The following ELOVL6 variants were observed in gnomAD, a reference collection of about 807,000 sequenced individuals.
ELOVL6 encodes the protein very long chain fatty acid elongase 6.
ELOVL6 carries 8 observed loss-of-function variants against 31.7 expected under a neutral mutation model. The ratio of observed to expected loss-of-function variants is 0.25; its 90% CI spans 0.15 to 0.45. The LOEUF (loss-of-function observed/expected upper bound fraction) is 0.45, where lower values mean the gene tolerates loss of function less well. ELOVL6 is among the 20% of genes least tolerant of loss of function. ELOVL6 has a pLI of 1.00. For missense variants in ELOVL6, 126 were observed against 326.4 expected, an observed-to-expected ratio of 0.39 and a Z score of 4.73; for synonymous variants, 101 against 117.7, an observed-to-expected ratio of 0.86 and a Z score of 0.92.
At chr4:110,189,763 T>C (rs1407845902) in intron 1 of ELOVL6, among the ~76,000 whole-genome samples, 1 of 151,726 alleles carries the variant, frequency 6.6e-6, no homozygotes, top group Non-Finnish European at 1.5e-5. Flanking sequence ...GGTCAGGAGA[T>C]CGAGACCATC....
At chr4:110,066,638 A>C (rs967235990) in intron 2 of ELOVL6, among the ~76,000 whole-genome samples, 9 of 57,548 alleles carry the variant, frequency 1.6e-4, no homozygotes, top group African/African-American at 3.4e-4. Flanking sequence ...CTGTCTCAAC[A>C]AAAAAAAAAA....
intron 1 of ELOVL6, among the ~76,000 whole-genome samples, chr4:110,113,637 C>T (rs1757098304): frequency 6.6e-6 from 1 of 152,102 alleles, no homozygotes; most frequent in African/African-American, 2.4e-5. Context: ...CTCCCATGCC[C>T]ATCTGAAAAC....
chr4:110,092,784 T>C (rs1756460813), intron 2 of ELOVL6, among the ~76,000 whole-genome samples: 1 of 151,312 alleles, frequency 6.6e-6, no homozygotes, highest in African/African-American at 2.4e-5. Context: ...ATTCAATTTT[T>C]AGTTCGAAAT....
chr4:110,141,116 T>A (rs1757941020), intron 1 of ELOVL6, among the ~76,000 whole-genome samples: 1 of 152,044 alleles, frequency 6.6e-6, no homozygotes, highest in Admixed American at 6.6e-5. Flanking sequence ...CAGGCTGGAG[T>A]GCAATGGCAC....
At chr4:110,091,312 T>G (rs1042465626) in intron 2 of ELOVL6, among the ~76,000 whole-genome samples, 1 of 152,168 alleles carries the variant, frequency 6.6e-6, no homozygotes, top group African/African-American at 2.4e-5. Context: ...AAAAATCAGT[T>G]TGAGGAGTTA....
chr4:110,055,719 C>CAA (rs1754962036), intron 3 of ELOVL6, among the ~76,000 whole-genome samples: 1 of 152,092 alleles, frequency 6.6e-6, no homozygotes, highest in South Asian at 2.1e-4. Context: ...GTCAGAGCTT[C>CAA]AAAAACAATG....
intron 1 of ELOVL6, among the ~76,000 whole-genome samples, chr4:110,158,647 A>ATATG (rs1758533355): frequency 1.1e-5 from 1 of 95,008 alleles, no homozygotes; most frequent in East Asian, 2.7e-4. Flanking sequence ...ATATATATAT[A>ATATG]TATATATATA....
intron 2 of ELOVL6, among the ~76,000 whole-genome samples, chr4:110,097,122 A>G (rs1400287082): frequency 6.6e-6 from 1 of 152,040 alleles, no homozygotes; most frequent in East Asian, 1.9e-4. Context: ...CCTGGCCAAG[A>G]TGGCGAAACC....
At chr4:110,120,821 A>G (rs1387703401) in intron 1 of ELOVL6, among the ~76,000 whole-genome samples, 12 of 102,908 alleles carry the variant, frequency 1.2e-4, no homozygotes, top group Non-Finnish European at 2.5e-4. Context: ...TTTTTTTTGA[A>G]ACAGAGTCTC....
chr4:110,059,521 A>T (rs1755082572), intron 3 of ELOVL6, 82 bp downstream of exon 3: 8 of 1,454,928 alleles, frequency 5.5e-6, no homozygotes, highest in Non-Finnish European at 7.4e-6. Context: ...TAGGACCTTC[A>T]AAATGTTTCT....
intron 1 of ELOVL6, among the ~76,000 whole-genome samples, chr4:110,158,545 G>GAT (rs1758521035): frequency 7.6e-6 from 1 of 131,970 alleles, no homozygotes; most frequent in Non-Finnish European, 1.7e-5. Flanking sequence ...TGGCAGCCAA[G>GAT]ATATTGGAGA....
At chr4:110,120,159 T>G (rs1032257948) in intron 1 of ELOVL6, among the ~76,000 whole-genome samples, 1 of 152,202 alleles carries the variant, frequency 6.6e-6, no homozygotes, top group Non-Finnish European at 1.5e-5. Context: ...AGATTGCTTA[T>G]GCTGGCATGC....
At chr4:110,127,391 A>G (rs1253173983) in intron 1 of ELOVL6, among the ~76,000 whole-genome samples, 2 of 118,916 alleles carry the variant, frequency 1.7e-5, no homozygotes, top group African/African-American at 6.6e-5. Flanking sequence ...TGGGTGACAG[A>G]GCGAGATTCC....
chr4:110,094,859 G>A (rs957132372), intron 2 of ELOVL6, among the ~76,000 whole-genome samples: 4 of 152,126 alleles, frequency 2.6e-5, no homozygotes, highest in African/African-American at 7.2e-5. Context: ...GACTGGAAAT[G>A]ATAATCACAT....
At chr4:110,181,552 C>G (rs1278404395) in intron 1 of ELOVL6, among the ~76,000 whole-genome samples, 2 of 152,056 alleles carry the variant, frequency 1.3e-5, no homozygotes, top group Non-Finnish European at 2.9e-5. Flanking sequence ...GATGGAAAGC[C>G]AGGTCTTCAT....
chr4:110,134,283 G>C (rs1215161149), intron 1 of ELOVL6, among the ~76,000 whole-genome samples: 1 of 152,110 alleles, frequency 6.6e-6, no homozygotes, highest in African/African-American at 2.4e-5. Context: ...ATTGATGTCT[G>C]TTTCTGATCC....
intron 1 of ELOVL6, among the ~76,000 whole-genome samples, chr4:110,117,292 G>C (rs536997616): frequency 1.5e-4 from 23 of 152,250 alleles, no homozygotes; most frequent in Admixed American, 4.6e-4. Context: ...ATTAAGAAAA[G>C]AGAAATTGGA....
chr4:110,055,224 T>A (rs1400670964), intron 3 of ELOVL6, among the ~76,000 whole-genome samples: 2 of 152,232 alleles, frequency 1.3e-5, no homozygotes, highest in Non-Finnish European at 2.9e-5. Flanking sequence ...TAATTTGTCA[T>A]GAGCCAGAGT....
chr4:110,056,619 G>A (rs2126220866), intron 3 of ELOVL6, among the ~76,000 whole-genome samples: 1 of 152,088 alleles, frequency 6.6e-6, no homozygotes, highest in Non-Finnish European at 1.5e-5. Context: ...TTACTAATTA[G>A]CCTCATTAAA....
Sources: gnomAD v4.1 joint callset for allele counts (sites outside exome capture counted in the v4.1 genomes callset) on GRCh38, gnomAD v4.1.1 for gene constraint, MANE v1.5 for transcripts, NCBI Gene and HGNC (gene_info 2026-07-23, HGNC 2026-07-21) for gene names.